The following INPPL1 variants were observed in gnomAD, a reference collection of about 807,000 sequenced individuals.
INPPL1 encodes the protein inositol polyphosphate phosphatase like 1, also known as phosphatidylinositol 3,4,5-trisphosphate 5-phosphatase 2.
Under a neutral mutation model 139.3 loss-of-function variants are expected in INPPL1, and 91 were observed. That is an observed-to-expected ratio of 0.65 (90% CI 0.55 to 0.78). The LOEUF (loss-of-function observed/expected upper bound fraction) is 0.78, where lower values mean the gene tolerates loss of function less well. Among genes scored for constraint, INPPL1 ranks in the 30% least tolerant of loss-of-function variants. INPPL1 has a pLI of 0.00. For missense variants in INPPL1, 1,411 were observed against 1,665.6 expected (o/e 0.85, Z 2.66); for synonymous variants, 719 against 686.6 (o/e 1.05, Z -0.74).
At chr11:72,230,509 G>A (rs1217937676) in intron 10 of INPPL1, 41 bp downstream of exon 10, 1 of 1,581,392 alleles carries the variant, frequency 6.3e-7, no homozygotes. Context: ...GACTGCGGGG[G>A]TCCCCCACAT....
Position 72,238,607 on chromosome 11 carries a change from T to G in INPPL1, c.*254T>G. 2 of 355,670 alleles carry G rather than the reference T, an allele frequency of 5.6e-6. No homozygotes were observed. The highest frequency in any genetic ancestry group is 1.0e-5 in the Non-Finnish European group (2 of 197,622). The allele number at this position is 355,670 out of a possible 1,614,324, so 22.0% of individuals were successfully genotyped here. On this transcript the variant is annotated 3_prime_UTR_variant, in exon 28 of 28. Coordinates refer to ENST00000298229, the MANE Select transcript of INPPL1 (RefSeq NM_001567.4). Reference sequence around the variant, plus strand: ...CATGGTTACCGAGGACCCTGGTTACTCTGGTGCTGTCCTGTTTTACTGGAC... The same window carrying G: ...CATGGTTACCGAGGACCCTGGTTACGCTGGTGCTGTCCTGTTTTACTGGAC...
chr11:72,236,714 G>T (rs915357089), intron 25 of INPPL1, among the ~76,000 whole-genome samples: 5 of 152,240 alleles, frequency 3.3e-5, no homozygotes, highest in African/African-American at 1.2e-4. Context: ...TTATCCCTAG[G>T]CTTGAATAAG....
rs1002222551 is a variant in INPPL1, at chr11:72,237,993, GT to G, written c.3553-46del. On this transcript the variant is annotated intron_variant, in intron 26 of 27. Coordinates refer to ENST00000298229, the MANE Select transcript of INPPL1 (RefSeq NM_001567.4). Reference sequence around the variant, plus strand: ...CATGCAGCAGAATGTGACTGCAGGTGTTTCTATGGGGGGCACTCAGCTCCCC... The same window carrying G: ...CATGCAGCAGAATGTGACTGCAGGTGTTCTATGGGGGGCACTCAGCTCCCC... 4.6e-6 allele frequency: 7 copies of G among 1,507,164 alleles called. No individual in the cohort carries two copies. The South Asian group carries it at 8.1e-5, about 17-fold the overall frequency. The allele number at this position is 1,507,164 out of a possible 1,614,324, so 93.4% of individuals were successfully genotyped here. A position where few individuals can be genotyped will look rare whatever the true frequency, so the allele number is the denominator to read the frequency against.
chr11:72,229,865 C>T (rs780787576), intron 7 of INPPL1, 59 bp from the exon 8 acceptor site: 25 of 1,574,020 alleles, frequency 1.6e-5, no homozygotes, highest in Non-Finnish European at 2.1e-5. Flanking sequence ...CAATTGTGTC[C>T]CTCCCTGCCC....
chr11:72,231,231 C>G (rs780771832), intron 12 of INPPL1, 42 bp downstream of exon 12: 1 of 1,558,966 alleles, frequency 6.4e-7, no homozygotes, highest in Non-Finnish European at 8.7e-7. Flanking sequence ...TCCTCACACA[C>G]CACCTCCAAA....
In INPPL1 at chr11:72,228,206, C is replaced by T; in HGVS notation, c.199C>T (p.His67Tyr). 6.2e-7 allele frequency: 1 copy of T among 1,614,118 alleles called. No individual in the cohort carries two copies. The highest frequency in any genetic ancestry group is 1.1e-5 in the South Asian group (1 of 91,088). The change falls in exon 2 of 28, where the codon CAC becomes TAC. Residue 67 changes from histidine (H) to tyrosine (Y), a missense_variant. Coordinates refer to ENST00000298229, the MANE Select transcript of INPPL1 (RefSeq NM_001567.4). This position sits in a 1 kb window ranked among gnomAD's most constrained non-coding sequence, Gnocchi z 5.0. ...ALCVLYQKHV[H>Y]TYRILPDGED... ...TGGCATCAGGTATCAGAAGCATGTG[C>T]ACACGTATCGCATTCTGCCTGATGG...
rs995520952 is a variant in INPPL1, at chr11:72,232,514, G to A, written c.1713-112G>A. 42 of 1,404,374 alleles carry A rather than the reference G, an allele frequency of 3.0e-5. No homozygotes were observed. The Admixed American group carries it at 6.2e-4, about 21-fold the overall frequency. The allele number at this position is 1,404,374 out of a possible 1,614,324, so 87.0% of individuals were successfully genotyped here. On this transcript the variant is annotated intron_variant, in intron 14 of 27. Transcript: ENST00000298229. ...ACCCTAACCTTGTCCCCAGGGGCCC[G>A]GATCTTTACCCCATCCCTGACTCCT...
chr11:72,229,083 C>T lies in INPPL1; in HGVS notation c.519-7C>T, dbSNP rs1320853511. 6.2e-7 allele frequency: 1 copy of T among 1,602,724 alleles called. No homozygotes were observed. Among genetic ancestry groups the T allele is most frequent in the Non-Finnish European group, 8.5e-7 (1 of 1,173,048 alleles). On this transcript the variant is annotated splice_polypyrimidine_tract_variant and splice_region_variant and intron_variant, in intron 4 of 27. Transcript: ENST00000298229. ...ACCTCCACTGACTTCTTAACCCCTCCCCAAAGTGCTCCCAATGGGCTGAGC... is the reference window on the plus strand; with the variant it reads ...ACCTCCACTGACTTCTTAACCCCTCTCCAAAGTGCTCCCAATGGGCTGAGC...
chr11:72,237,098 C>T (rs1396459770), intron 25 of INPPL1, 26 bp from the exon 26 acceptor site: 4 of 1,549,114 alleles, frequency 2.6e-6, no homozygotes. Flanking sequence ...TGGATCCTGG[C>T]TTAGTCGTTC....
At position 72,237,513 on chromosome 11, in the gene INPPL1, C is replaced by G. The variant is rs1230700395; in HGVS notation, c.3269C>G (p.Pro1090Arg). 1 of 1,608,132 alleles carries G rather than the reference C, an allele frequency of 6.2e-7. No homozygotes were observed. Among genetic ancestry groups the G allele is most frequent in the Non-Finnish European group, 8.5e-7 (1 of 1,176,314 alleles). The change falls in exon 26 of 28, where the codon CCT (proline) becomes CGT (arginine). Residue 1090 changes from proline to arginine, a missense_variant. Transcript: ENST00000298229. ...RGGAEARGPP[P>R]PKAHPRPPLP... ...GGGGCTGAGGCCCGTGGCCCACCAC[C>G]TCCCAAGGCCCATCCAAGGCCTCCA...
In INPPL1 at chr11:72,235,859, A is replaced by C. The variant is rs1948973987; in HGVS notation, c.2752A>C (p.Lys918Gln). Residue 918 changes from lysine (K) to glutamine (Q), a missense_variant, in exon 25 of 28, where the codon AAG becomes CAG. Lys to Gln is a moderately conservative substitution (Grantham distance 53). This residue lies in a region of INPPL1 where 99 missense variants were observed against 171.6 expected (regional missense o/e 0.58). Transcript: ENST00000298229. This position sits in a 1 kb window ranked among gnomAD's most constrained non-coding sequence, Gnocchi z 4.9. ...CATCCCTGGCAGGTCAGGGAGCCGCAAGCCAGCCTTCACAGAGGCCTCCTG... is the reference window on the plus strand; with the variant it reads ...CATCCCTGGCAGGTCAGGGAGCCGCCAGCCAGCCTTCACAGAGGCCTCCTG... ...GSQEPRSGSR[K>Q]PAFTEASCPL... 7.4e-6 allele frequency: 12 copies of C among 1,612,850 alleles called. No homozygotes were observed. The highest frequency in any genetic ancestry group is 1.0e-5 in the Non-Finnish European group (12 of 1,179,518).
chr11:72,230,486 C>T lies in INPPL1; in HGVS notation c.1197+18C>T. The T allele has an allele frequency of 1.2e-6, 2 of 1,610,504 alleles. No individual in the cohort carries two copies. Among genetic ancestry groups the T allele is most frequent in the African/African-American group, 1.3e-5 (1 of 74,974 alleles). On this transcript the variant is annotated intron_variant, in intron 10 of 27. Coordinates refer to ENST00000298229, the MANE Select transcript of INPPL1 (RefSeq NM_001567.4). ...GTGCCCGGGTGAGCAGCAGGCTGGG[C>T]CAGGCCACTGGGGACTGCGGGGGTC...
Position 72,228,975 on chromosome 11 carries a change from A to G in INPPL1, c.519-115A>G. 1 of 1,523,284 alleles carries G rather than the reference A, an allele frequency of 6.6e-7. No homozygotes were observed. The highest frequency in any genetic ancestry group is 2.1e-5 in the Admixed American group (1 of 47,862). The allele number at this position is 1,523,284 out of a possible 1,614,324, so 94.4% of individuals were successfully genotyped here. ...CCACCCCACCTCAGCCCAGAGGCAG[A>G]TAACCTGATCCATCCCGCCCTGGTT... On this transcript the variant is annotated intron_variant, in intron 4 of 27. Coordinates refer to ENST00000298229, the MANE Select transcript of INPPL1 (RefSeq NM_001567.4). This position sits in a 1 kb window ranked among gnomAD's most constrained non-coding sequence, Gnocchi z 5.0.
rs147663158 is a variant in INPPL1, at chr11:72,231,529, T to G, written c.1529T>G (p.Val510Gly). 6.2e-7 allele frequency: 1 copy of G among 1,613,888 alleles called. No individual in the cohort carries two copies. Residue 510 changes from valine to glycine, a missense_variant, in exon 13 of 28, where the codon GTG (valine) becomes GGG (glycine). By Grantham distance (109) the Val-to-Gly change is moderately radical. Coordinates refer to ENST00000298229, the MANE Select transcript of INPPL1 (RefSeq NM_001567.4). Reference protein sequence around the residue: ...IAMQSLWNIKVAVLVKPEHEN... With the variant: ...IAMQSLWNIKGAVLVKPEHEN... Reference sequence around the variant, plus strand: ...ATGCAATCACTGTGGAATATCAAGGTGGCAGTGCTGGTCAAGCCAGAGCAC... The same window carrying G: ...ATGCAATCACTGTGGAATATCAAGGGGGCAGTGCTGGTCAAGCCAGAGCAC...
chr11:72,226,621 A>T (rs1447353257), intron 1 of INPPL1, among the ~76,000 whole-genome samples: 1 of 152,154 alleles, frequency 6.6e-6, no homozygotes, highest in Non-Finnish European at 1.5e-5. Context: ...TGTCAGTGGT[A>T]TGGAGGTTGA....
Position 72,233,439 on chromosome 11 carries a change from A to G in INPPL1, c.2041-2A>G. ...TAACCATGCTGCCATCCCCTGCCCC[A>G]GGTCCGGACCAATGTGCCCTCATGG... On this transcript the variant is annotated splice_acceptor_variant, in intron 17 of 27. Transcript: ENST00000298229. LOFTEE classifies it high-confidence loss of function. 1 of 1,613,876 alleles carries G rather than the reference A, an allele frequency of 6.2e-7. No homozygotes were observed. Among genetic ancestry groups the G allele is most frequent in the Non-Finnish European group, 8.5e-7 (1 of 1,179,834 alleles).
In INPPL1 at chr11:72,233,437, C is replaced by G. The variant is rs762599552; in HGVS notation, c.2041-4C>G. On this transcript the variant is annotated splice_polypyrimidine_tract_variant and splice_region_variant and intron_variant, in intron 17 of 27. Transcript: ENST00000298229. ...TCTAACCATGCTGCCATCCCCTGCC[C>G]CAGGTCCGGACCAATGTGCCCTCAT... The G allele has an allele frequency of 6.2e-7, 1 of 1,613,932 alleles. No individual in the cohort carries two copies. Among genetic ancestry groups the G allele is most frequent in the South Asian group, 1.1e-5 (1 of 91,078 alleles).
rs1297973414 is a variant in INPPL1, at chr11:72,228,684, G to A, written c.398-43G>A. The A allele has an allele frequency of 6.3e-7, 1 of 1,598,796 alleles. No individual in the cohort carries two copies. The highest frequency in any genetic ancestry group is 8.5e-7 in the Non-Finnish European group (1 of 1,171,934). ...TGCATCGTGCCTCCTACTCCACTGA[G>A]TGTGGGAGGCCCAAACGGCTGCCCA... On this transcript the variant is annotated intron_variant, in intron 3 of 27. Transcript: ENST00000298229. This position sits in a 1 kb window ranked among gnomAD's most constrained non-coding sequence, Gnocchi z 5.0.
At chr11:72,237,944 C>T (rs1419983314) in intron 26 of INPPL1, 98 bp from the exon 27 acceptor site, 3 of 1,453,026 alleles carry the variant, frequency 2.1e-6, no homozygotes, top group African/African-American at 2.8e-5. Context: ...ATCAGCCCAG[C>T]CCTTCCCTTC....
Sources: allele counts gnomAD v4.1 joint callset (sites outside exome capture counted in the v4.1 genomes callset), GRCh38; gene constraint gnomAD v4.1.1; regional missense constraint gnomAD v4.1.1; non-coding constraint Gnocchi (gnomAD v3.1); transcripts MANE v1.5; gene names NCBI Gene and HGNC (gene_info 2026-07-23, HGNC 2026-07-21).